C2CD3: variants seen among roughly 807,000 people sequenced by gnomAD.
C2CD3 encodes C2 domain-containing protein 3.
In C2CD3, 148 loss-of-function variants were observed where a neutral mutation model predicts 234.0. That is an observed-to-expected ratio of 0.63 (90% CI 0.55 to 0.72). C2CD3 has a LOEUF of 0.72. Among genes scored for constraint, C2CD3 ranks in the 30% least tolerant of loss-of-function variants. The pLI is 0.00. For synonymous variants in C2CD3, 1,000 were observed against 1,035.4 expected (o/e 0.97, Z 0.66); for missense variants, 2,577 against 2,811.5 (o/e 0.92, Z 1.89).
intron 19 of C2CD3, 34 bp downstream of exon 19, chr11:74,092,382 T>A: frequency 6.3e-7 from 1 of 1,590,542 alleles, no homozygotes; most frequent in Non-Finnish European, 8.6e-7. Context: ...GTATACTGAT[T>A]TTGAAAGAAA....
chr11:74,115,193 T>TACAC (rs565127325), intron 9 of C2CD3, among the ~76,000 whole-genome samples: 4 of 150,334 alleles, frequency 2.7e-5, no homozygotes, highest in African/African-American at 7.3e-5. Context: ...TATAGATATA[T>TACAC]ACACACACAC....
intron 22 of C2CD3, among the ~76,000 whole-genome samples, chr11:74,082,695 C>T (rs1955444108): frequency 6.6e-6 from 1 of 152,056 alleles, no homozygotes; most frequent in Non-Finnish European, 1.5e-5. Context: ...CCTGTCCCTC[C>T]CCCAAAGGGA....
At chr11:74,086,393 G>A (rs1046614869) in intron 20 of C2CD3, among the ~76,000 whole-genome samples, 6 of 152,194 alleles carry the variant, frequency 3.9e-5, no homozygotes, top group African/African-American at 1.4e-4. Flanking sequence ...TAAAGCTAAA[G>A]CTATAACTGG....
chr11:74,148,323 T>C (rs1855351637), intron 3 of C2CD3, among the ~76,000 whole-genome samples: 1 of 151,998 alleles, frequency 6.6e-6, no homozygotes, highest in African/African-American at 2.4e-5. Flanking sequence ...AGAAAAAAGC[T>C]ATAGTTAAGT....
intron 32 of C2CD3, among the ~76,000 whole-genome samples, chr11:74,026,962 C>CAAAA (rs34906978): frequency 1.6e-4 from 17 of 105,234 alleles, no homozygotes; most frequent in African/African-American, 5.5e-4. Context: ...GAATAAGCCT[C>CAAAA]AAAAAAAAAA....
At position 74,064,145 on chromosome 11, in the gene C2CD3, G is replaced by T. The variant is rs189173655; in HGVS notation, c.4952-6601C>A. 9.8e-4 allele frequency among the ~76,000 whole-genome samples: 149 copies of T among 152,112 alleles called. 1 individual carries two copies. The East Asian group carries it at 0.025, about 26-fold the overall frequency. On this transcript the variant is annotated intron_variant, in intron 24 of 32. Transcript: ENST00000334126. ...TCCCACCTATAAGTGAGAACATGCG[G>T]TGTTTGGTTTTTTGTCCTTGCGATA...
intron 25 of C2CD3, among the ~76,000 whole-genome samples, chr11:74,055,828 G>T (rs1953927606): frequency 6.6e-6 from 1 of 152,190 alleles, no homozygotes; most frequent in African/African-American, 2.4e-5. Context: ...AGACTATGTA[G>T]CCTCCCTGGG....
chr11:74,117,049 T>TATATATATATGAATATATATATATGA (rs1565313186), intron 9 of C2CD3, among the ~76,000 whole-genome samples: 279 of 25,232 alleles, frequency 0.011, 7 homozygotes, highest in Non-Finnish European at 0.02. Flanking sequence ...CGTGTGTGTG[T>TATATATATATGAATATATATATATGA]ATATATATAT....
At chr11:74,116,494 T>C (rs1252314695) in intron 9 of C2CD3, among the ~76,000 whole-genome samples, 1 of 151,222 alleles carries the variant, frequency 6.6e-6, no homozygotes, top group Non-Finnish European at 1.5e-5. Flanking sequence ...GGTGAGGATG[T>C]GGTGAAAAGG....
At chr11:74,110,856 T>C (rs1956716290) in intron 11 of C2CD3, among the ~76,000 whole-genome samples, 1 of 152,200 alleles carries the variant, frequency 6.6e-6, no homozygotes, top group African/African-American at 2.4e-5. Flanking sequence ...GTCTAATCCA[T>C]ATTATTGTTA....
rs1956188880 is a variant in C2CD3 at position 74,098,340 on chromosome 11, T to G, written c.2733-85A>C. 2.8e-6 allele frequency: 4 copies of G among 1,434,612 alleles called. No homozygotes were observed. In the South Asian group the frequency reaches 5.1e-5, roughly 18 times the overall value. The allele number at this position is 1,434,612 out of a possible 1,614,324, so 88.9% of individuals were successfully genotyped here. On this transcript the variant is annotated intron_variant, in intron 15 of 32. Coordinates refer to ENST00000334126, the MANE Select transcript of C2CD3 (RefSeq NM_001286577.2). ...TTTCTTTCTTGACTCATTTTTTCAGTTTGTTAAAAATAGATTTGCAACTGG... is the reference window on the plus strand; with the variant it reads ...TTTCTTTCTTGACTCATTTTTTCAGGTTGTTAAAAATAGATTTGCAACTGG...
At position 74,123,052 on chromosome 11, in the gene C2CD3, A is replaced by T. The variant is rs1449993707; in HGVS notation, c.1301T>A (p.Ile434Asn). 1 of 1,612,918 alleles carries T rather than the reference A, an allele frequency of 6.2e-7. No homozygotes were observed. ...ATACTGAGGGTCATTCAGCTCACTG[A>T]TGCAATACACATCACTCCCAGGAGA... is the stretch of plus-strand genomic sequence containing the variant. ...SPSPGSDVYC[I>N]SELNDPQYDQ... is the part of the protein sequence containing the mutation. Residue 434 changes from isoleucine (I) to asparagine (N), a missense_variant, in exon 8 of 33, where the codon ATC (isoleucine) becomes AAC (asparagine). Physicochemically the swap from Ile to Asn is moderately radical, Grantham distance 149. Coordinates refer to ENST00000334126, the MANE Select transcript of C2CD3 (RefSeq NM_001286577.2).
Position 74,139,793 on chromosome 11 carries a change from G to C in C2CD3, c.519C>G (p.Tyr173Ter), listed in dbSNP as rs370615429. The change falls in exon 4 of 33, where the codon TAC becomes TAG. Residue 173 changes from tyrosine (Y) to a stop codon, truncating the protein, a stop_gained. Transcript: ENST00000334126. LOFTEE classifies it high-confidence loss of function. ...TGGTAGGAAGTGGATGGTAGCTGTC[G>C]TAAGTTTCTGACAGAGGTTCCAGGG... ...SLALEPLSET[Y>*]DSYHPLPTTD... 3.7e-6 allele frequency: 6 copies of C among 1,613,244 alleles called. No individual in the cohort carries two copies. The highest frequency in any genetic ancestry group is 2.2e-5 in the South Asian group (2 of 91,056).
intron 11 of C2CD3, among the ~76,000 whole-genome samples, chr11:74,111,008 A>G (rs1482492987): frequency 6.6e-6 from 1 of 152,174 alleles, no homozygotes; most frequent in Non-Finnish European, 1.5e-5. Context: ...AGAAAAATGT[A>G]GAGAAGATCA....
rs1393205033 is a variant in C2CD3, at chr11:74,058,416, TATTG to T, written c.4952-876_4952-873del. Among the ~76,000 whole-genome samples the T allele has an allele frequency of 2.4e-4, 36 of 152,358 alleles. 1 individual carries two copies. Among genetic ancestry groups the T allele is most frequent in the Middle Eastern group, 3.4e-3 (1 of 294 alleles). On this transcript the variant is annotated intron_variant, in intron 24 of 32. Coordinates refer to ENST00000334126, the MANE Select transcript of C2CD3 (RefSeq NM_001286577.2). ...CCCTATAAGATAGCTATTTCTATCC[TATTG>T]ATTATTTCTATCATGTAGATTTCTA...
At position 74,118,187 on chromosome 11, in the gene C2CD3, C is replaced by T. The variant is rs181256373; in HGVS notation, c.1520+41G>A. 4,635 of 1,550,660 alleles carry T rather than the reference C, an allele frequency of 3.0e-3. 42 individuals are homozygous for T. The highest frequency in any genetic ancestry group is 0.022 in the Middle Eastern group (131 of 5,830). On this transcript the variant is annotated intron_variant, in intron 9 of 32. Transcript: ENST00000334126. Reference sequence around the variant, plus strand: ...TGGGAGATCTTGTGAAAATAACATTCCTTTGTGTTTACCTTTAAATAAACA... The same window carrying T: ...TGGGAGATCTTGTGAAAATAACATTTCTTTGTGTTTACCTTTAAATAAACA...
chr11:74,169,040 G>A (rs890994437), intron 1 of C2CD3, among the ~76,000 whole-genome samples: 6 of 152,160 alleles, frequency 3.9e-5, no homozygotes, highest in Non-Finnish European at 8.8e-5. Context: ...TTTAAGATAT[G>A]TAATCTTTAT....
chr11:74,073,868 T>C (rs975361442), intron 24 of C2CD3, among the ~76,000 whole-genome samples: 1 of 152,190 alleles, frequency 6.6e-6, no homozygotes, highest in African/African-American at 2.4e-5. Context: ...AGTTTGAACT[T>C]TTCACGGATC....
At chr11:74,103,772 T>A (rs1043656842) in intron 13 of C2CD3, 147 bp from the exon 14 acceptor site, 1 of 660,484 alleles carries the variant, frequency 1.5e-6, no homozygotes. Flanking sequence ...ACAGAATGCA[T>A]ATACATTAAC....
Sources: gnomAD v4.1 joint callset for allele counts (sites outside exome capture counted in the v4.1 genomes callset) on GRCh38, gnomAD v4.1.1 for gene constraint, MANE v1.5 for transcripts, NCBI Gene and HGNC (gene_info 2026-07-23, HGNC 2026-07-21) for gene names.